ABR: variants seen among roughly 807,000 people sequenced by gnomAD.
ABR encodes ABR activator of RhoGEF and GTPase, also known as active breakpoint cluster region-related protein.
In ABR, 35 loss-of-function variants were observed where a neutral mutation model predicts 107.2. That is an observed-to-expected ratio of 0.33 (90% CI 0.25 to 0.43). The LOEUF (loss-of-function observed/expected upper bound fraction) is 0.43, where lower values mean the gene tolerates loss of function less well. ABR is among the 20% of genes least tolerant of loss of function. The probability of loss-of-function intolerance (pLI) is 1.00; values close to 1 mark genes in which losing one functional copy is unlikely to be tolerated. For synonymous variants in ABR, 498 were observed against 462.0 expected (o/e 1.08, Z -1.00); for missense variants, 815 against 1,115.2 (o/e 0.73, Z 3.83).
At chr17:1,066,990 G>A in intron 10 of ABR, 87 bp downstream of exon 10, 1 of 1,436,912 alleles carries the variant, frequency 7.0e-7, no homozygotes, top group South Asian at 1.2e-5. Context: ...CCCTCTCAAA[G>A]TCTCAAACCT....
intron 1 of ABR, among the ~76,000 whole-genome samples, chr17:1,224,121 C>T (rs1030363763): frequency 2.6e-5 from 4 of 152,080 alleles, no homozygotes; most frequent in African/African-American, 9.7e-5. Context: ...CAGTGGCTGG[C>T]CGGTGGTCTC....
At chr17:1,144,327 C>A (rs973593404) in intron 1 of ABR, among the ~76,000 whole-genome samples, 1 of 152,126 alleles carries the variant, frequency 6.6e-6, no homozygotes, top group African/African-American at 2.4e-5. Context: ...GATGCAGGGG[C>A]GGGCACAGAC....
upstream of ABR, among the ~76,000 whole-genome samples, chr17:1,181,205 G>GAC (rs1158086864): frequency 1.3e-5 from 2 of 152,296 alleles, no homozygotes; most frequent in African/African-American, 4.8e-5. Context: ...ACTCCAAACA[G>GAC]ACACACACAC....
chr17:1,100,182 C>T (rs756810167), intron 3 of ABR, among the ~76,000 whole-genome samples: 38 of 150,742 alleles, frequency 2.5e-4, no homozygotes, highest in Non-Finnish European at 3.5e-4. Context: ...TTTCCTGACA[C>T]GGGGCCTCAG....
chr17:1,054,681 GGCACAAGGAACC>G (rs1270711251), intron 14 of ABR, among the ~76,000 whole-genome samples: 30,364 of 104,320 alleles, frequency 0.29, 12,232 homozygotes, highest in East Asian at 0.39. Context: ...AGGGGATGGG[GGCACAAGGAACC>G]TCAGGGGATG....
intron 1 of ABR, among the ~76,000 whole-genome samples, chr17:1,135,344 G>T (rs78437450): frequency 0.055 from 8,334 of 151,030 alleles, 317 homozygotes; most frequent in African/African-American, 0.1. Context: ...GCTGAATATT[G>T]CTAACTTTAT....
At chr17:1,018,238 T>A (rs893414047) in intron 16 of ABR, among the ~76,000 whole-genome samples, 6 of 151,524 alleles carry the variant, frequency 4.0e-5, no homozygotes, top group Middle Eastern at 3.2e-3. Flanking sequence ...GAGACGGGGT[T>A]TCACCGTGTT....
intron 1 of ABR, among the ~76,000 whole-genome samples, chr17:1,158,687 T>C (rs1299081311): frequency 1.3e-5 from 2 of 151,600 alleles, no homozygotes; most frequent in East Asian, 3.9e-4. Flanking sequence ...TGCTTGAACC[T>C]GGGAGTTGGA....
At chr17:1,083,883 G>A in intron 4 of ABR, 1 of 431,176 alleles carries the variant, frequency 2.3e-6, no homozygotes, top group East Asian at 4.7e-5. Flanking sequence ...TAGGGCCTTT[G>A]TTGGCCTGCT....
At position 1,107,446 on chromosome 17, in the gene ABR, G is replaced by A. The variant is rs534075001; in HGVS notation, c.247-6711C>T. 8.5e-5 allele frequency among the ~76,000 whole-genome samples: 13 copies of A among 152,384 alleles called. No homozygotes were observed. In the South Asian group the frequency reaches 2.5e-3, roughly 29 times the overall value. ...CAGGAGAATGGGATATAATTGCGGA[G>A]GCAAATGTCTAGAGTTCTGAGCATC... On this transcript the variant is annotated intron_variant, in intron 2 of 22. Coordinates refer to ENST00000302538, the MANE Select transcript of ABR (RefSeq NM_021962.5).
intron 16 of ABR, 133 bp downstream of exon 16, chr17:1,049,917 C>T: frequency 7.7e-7 from 1 of 1,297,166 alleles, no homozygotes; most frequent in South Asian, 1.4e-5. Flanking sequence ...GGGAGAACCA[C>T]CTCCTGGGAA....
intron 3 of ABR, among the ~76,000 whole-genome samples, chr17:1,098,355 G>A (rs2037626062): frequency 6.6e-6 from 1 of 152,078 alleles, no homozygotes; most frequent in Non-Finnish European, 1.5e-5. Context: ...GGGATTACAG[G>A]CTTGAGACAC....
At chr17:1,035,079 C>T (rs994436242) in intron 16 of ABR, among the ~76,000 whole-genome samples, 1 of 151,900 alleles carries the variant, frequency 6.6e-6, no homozygotes, top group Admixed American at 6.6e-5. Context: ...TCCCTATGGA[C>T]TGGGGGCTTC....
At chr17:1,044,834 A>G (rs1348059736) in intron 16 of ABR, among the ~76,000 whole-genome samples, 1 of 151,686 alleles carries the variant, frequency 6.6e-6, no homozygotes, top group Non-Finnish European at 1.5e-5. Flanking sequence ...CTCCCACCCT[A>G]CTCCCTTCTG....
At chr17:1,085,748 A>G (rs180811603) in intron 4 of ABR, among the ~76,000 whole-genome samples, 26 of 152,338 alleles carry the variant, frequency 1.7e-4, no homozygotes, top group African/African-American at 5.1e-4. Context: ...TACCTCGTTA[A>G]TTTTTAAATA....
intron 1 of ABR, among the ~76,000 whole-genome samples, chr17:1,161,291 A>G (rs1408650619): frequency 6.6e-6 from 1 of 151,296 alleles, no homozygotes; most frequent in Admixed American, 6.6e-5. Context: ...TGCCCAGGCC[A>G]GAGTGCAGAA....
chr17:1,109,303 G>C (rs2038499960), intron 2 of ABR, among the ~76,000 whole-genome samples: 1 of 151,794 alleles, frequency 6.6e-6, no homozygotes, highest in Non-Finnish European at 1.5e-5. Flanking sequence ...GGCAGCCCCT[G>C]ACGCCGTGCC....
chr17:1,006,112 G>C lies in ABR; in HGVS notation c.2548C>G (p.Arg850Gly). The C allele has an allele frequency of 6.3e-7, 1 of 1,583,790 alleles. No homozygotes were observed. The highest frequency in any genetic ancestry group is 8.6e-7 in the Non-Finnish European group (1 of 1,164,670). The change falls in exon 23 of 23, where the codon CGG (arginine) becomes GGG (glycine). Residue 850 changes from arginine (R) to glycine (G), a missense_variant. By Grantham distance (125) the Arg-to-Gly change is moderately radical. Transcript: ENST00000302538. Reference sequence around the variant, plus strand: ...TCGGTGGAGAAGTACAGTGTGTTCCGCTTGAGTTCTGCGAAGGAAATGGGG... The same window carrying C: ...TCGGTGGAGAAGTACAGTGTGTTCCCCTTGAGTTCTGCGAAGGAAATGGGG... Reference protein sequence around the residue: ...HPPISFAELKRNTLYFSTDV With the variant: ...HPPISFAELKGNTLYFSTDV
intron 1 of ABR, among the ~76,000 whole-genome samples, chr17:1,195,304 C>CAAAAA (rs564020208): frequency 1.1e-5 from 1 of 87,638 alleles, no homozygotes; most frequent in Non-Finnish European, 2.4e-5. Flanking sequence ...GAGACTGTCT[C>CAAAAA]AAAAAAAAAA....
Sources: allele counts gnomAD v4.1 joint callset (sites outside exome capture counted in the v4.1 genomes callset), GRCh38; gene constraint gnomAD v4.1.1; transcripts MANE v1.5; gene names NCBI Gene and HGNC (gene_info 2026-07-23, HGNC 2026-07-21).